Variants in SYTL1 observed in about 807,000 individuals in gnomAD.
SYTL1 encodes the protein synaptotagmin-like protein 1.
SYTL1 carries 53 observed loss-of-function variants against 74.6 expected under a neutral mutation model. The ratio of observed to expected loss-of-function variants is 0.71; its 90% CI spans 0.57 to 0.89. The LOEUF (loss-of-function observed/expected upper bound fraction) is 0.89. Among genes scored for constraint, SYTL1 ranks in the 40% least tolerant of loss-of-function variants. The pLI, the probability that SYTL1 is intolerant of heterozygous loss-of-function variation, is 0.00. For missense variants in SYTL1, 728 were observed against 768.7 expected, an observed-to-expected ratio of 0.95 and a Z score of 0.63; for synonymous variants, 329 against 324.9, an observed-to-expected ratio of 1.01 and a Z score of -0.14.
Position 27,351,190 on chromosome 1 carries a change from T to C in SYTL1, c.1165-68T>C, listed in dbSNP as rs990399017. The C allele has an allele frequency of 2.0e-6, 3 of 1,525,328 alleles. No individual in the cohort carries two copies. The highest frequency in any genetic ancestry group is 1.8e-6 in the Non-Finnish European group (2 of 1,128,894). The allele number at this position is 1,525,328 out of a possible 1,614,324, so 94.5% of individuals were successfully genotyped here. A position where few individuals can be genotyped will look rare whatever the true frequency, so the allele number is the denominator to read the frequency against. On this transcript the variant is annotated intron_variant, in intron 11 of 14. Coordinates refer to ENST00000616558, the MANE Select transcript of SYTL1 (RefSeq NM_001193308.2). This position sits in a 1 kb window ranked among gnomAD's most constrained non-coding sequence, Gnocchi z 5.0. ...CTTCTAGCCGCACCCCATCCGGGTC[T>C]GCAGACCCCACCCTCCTGAGGCCCC...
chr1:27,342,979 C>T lies in SYTL1; in HGVS notation c.-39+829C>T, dbSNP rs975297568. Among the ~76,000 whole-genome samples, 6 of 152,268 alleles carry T rather than the reference C, an allele frequency of 3.9e-5. No individual in the cohort carries two copies. Among genetic ancestry groups the T allele is most frequent in the Admixed American group, 3.3e-4 (5 of 15,288 alleles). On this transcript the variant is annotated intron_variant, in intron 1 of 14. Coordinates refer to ENST00000616558, the MANE Select transcript of SYTL1 (RefSeq NM_001193308.2). The surrounding 1 kb of genome is among the most constrained non-coding windows in gnomAD (Gnocchi z 4.7). ...ACAGAGTGAATGCACACCGTGCAGC[C>T]GTGCTGAGGCCTTCTGCTCCTGAGG...
Position 27,345,550 on chromosome 1 carries a change from G to A in SYTL1, c.191+25G>A, listed in dbSNP as rs1046737471. ...GGTAAGGCAGGGCAGACCCTGGCCGGGGAGCACCAAGAGGCTTGAGTGGCC... is the reference window on the plus strand; with the variant it reads ...GGTAAGGCAGGGCAGACCCTGGCCGAGGAGCACCAAGAGGCTTGAGTGGCC... On this transcript the variant is annotated intron_variant, in intron 2 of 14. Coordinates refer to ENST00000616558, the MANE Select transcript of SYTL1 (RefSeq NM_001193308.2). The surrounding 1 kb of genome is among the most constrained non-coding windows in gnomAD (Gnocchi z 6.0). The A allele has an allele frequency of 7.3e-6, 11 of 1,506,818 alleles. No homozygotes were observed. In the Admixed American group the frequency reaches 1.4e-4, roughly 20 times the overall value. The allele number at this position is 1,506,818 out of a possible 1,614,324, so 93.3% of individuals were successfully genotyped here.
At chr1:27,344,923 G>C (rs948893560) in intron 1 of SYTL1, 3 of 154,998 alleles carry the variant, frequency 1.9e-5, no homozygotes, top group African/African-American at 7.3e-5. Context: ...TCTGCAGAGG[G>C]CCCTTTCTGG....
chr1:27,353,743 T>C lies in SYTL1; in HGVS notation c.1580T>C (p.Met527Thr), dbSNP rs770392859. 1 of 1,613,846 alleles carries C rather than the reference T, an allele frequency of 6.2e-7. No homozygotes were observed. Among genetic ancestry groups the C allele is most frequent in the South Asian group, 1.1e-5 (1 of 91,078 alleles). The change falls in exon 15 of 15, where the codon ATG (methionine) becomes ACG (threonine). Residue 527 changes from methionine to threonine, a missense_variant. By Grantham distance (81) the Met-to-Thr change is moderately conservative (BLOSUM62 -1). Coordinates refer to ENST00000616558, the MANE Select transcript of SYTL1 (RefSeq NM_001193308.2). ...AGCTATGGGCTGCAGGTGCCCTGGA[T>C]GGATTCCACACCTGAGGAGAAGCAG... ...GSSYGLQVPW[M>T]DSTPEEKQLW...
At position 27,353,871 on chromosome 1, in the gene SYTL1, T is replaced by G. The variant is rs768951780; in HGVS notation, c.*19T>G. On this transcript the variant is annotated 3_prime_UTR_variant, in exon 15 of 15. Transcript: ENST00000616558. ...GACGTAGCCCCACCAAGCCTCTCTC[T>G]CTGGACCCCCATCTCAGGGCCTGCC... 2 of 1,607,256 alleles carry G rather than the reference T, an allele frequency of 1.2e-6. No individual in the cohort carries two copies. Among genetic ancestry groups the G allele is most frequent in the Admixed American group, 1.7e-5 (1 of 59,706 alleles).
Position 27,347,979 on chromosome 1 carries a change from TGAG to T in SYTL1, c.428_430del (p.Glu143del), listed in dbSNP as rs1364167992. On this transcript the variant is annotated inframe_deletion, in exon 5 of 15. Transcript: ENST00000616558. This position sits in a 1 kb window ranked among gnomAD's most constrained non-coding sequence, Gnocchi z 4.9. Reference sequence around the variant, plus strand: ...TCCCTACTCCTAGGCTCACCATTGATGAGGCCCCTCAGGAGAGGCTCAGGGAGA... The same window carrying T: ...TCCCTACTCCTAGGCTCACCATTGATGCCCCTCAGGAGAGGCTCAGGGAGA... 1 of 1,614,120 alleles carries T rather than the reference TGAG, an allele frequency of 6.2e-7. No individual in the cohort carries two copies. Among genetic ancestry groups the T allele is most frequent in the Non-Finnish European group, 8.5e-7 (1 of 1,180,016 alleles).
In SYTL1 at chr1:27,347,812, C is replaced by A. The variant is rs769967340; in HGVS notation, c.345C>A (p.Asp115Glu). 1.9e-6 allele frequency: 3 copies of A among 1,613,276 alleles called. No homozygotes were observed. Among genetic ancestry groups the A allele is most frequent in the Middle Eastern group, 3.4e-4 (2 of 5,968 alleles). The stretch of plus-strand genomic sequence containing the variant: ...GAACTTCTCACCTGCGCCCAGGAGA[C>A]CAGGCTCCAGGCCACGACAGGGAGG... The part of the protein sequence containing the change: ...SMRRKKSTRG[D>E]QAPGHDREAE... The change falls in exon 4 of 15, where the codon GAC (aspartate) becomes GAA (glutamate). Residue 115 changes from aspartate (D) to glutamate (E), a missense_variant. Asp to Glu is a conservative substitution (Grantham distance 45). Coordinates refer to ENST00000616558, the MANE Select transcript of SYTL1 (RefSeq NM_001193308.2). The surrounding 1 kb of genome is among the most constrained non-coding windows in gnomAD (Gnocchi z 4.9).
chr1:27,342,325 C>T lies in SYTL1; in HGVS notation c.-39+175C>T, dbSNP rs991880235. On this transcript the variant is annotated intron_variant, in intron 1 of 14. Transcript: ENST00000616558. The surrounding 1 kb of genome is among the most constrained non-coding windows in gnomAD (Gnocchi z 4.7). ...CTCTTGACCAATGGGTCTGTCCCAC[C>T]GTGTCAAAACAGCAGAGAAGACCAA... 8 of 985,028 alleles carry T rather than the reference C, an allele frequency of 8.1e-6. No individual in the cohort carries two copies. The highest frequency in any genetic ancestry group is 3.5e-5 in the African/African-American group (2 of 57,188). 61.0% of individuals were successfully genotyped at this position (985,028 alleles called of 1,614,324 possible).
rs898799473 is a variant in SYTL1 at position 27,343,427 on chromosome 1, C to T, written c.-39+1277C>T. ...GGGGCATCCCTGGGTTGGAGGCCTC[C>T]GTGGGAGTGGGTGCGGCAGTTACCT... On this transcript the variant is annotated intron_variant, in intron 1 of 14. Transcript: ENST00000616558. The surrounding 1 kb of genome is among the most constrained non-coding windows in gnomAD (Gnocchi z 5.2). Among the ~76,000 whole-genome samples the T allele has an allele frequency of 2.0e-5, 3 of 152,074 alleles. No individual in the cohort carries two copies. Among genetic ancestry groups the T allele is most frequent in the Non-Finnish European group, 2.9e-5 (2 of 68,004 alleles).
In SYTL1 at chr1:27,345,156, C is replaced by G; in HGVS notation, c.-38-141C>G. ...TGTATGCATGTGTGCATGAGTGTCT[C>G]TCACCCCACCTTGAGCTCAGCCATC... On this transcript the variant is annotated intron_variant, in intron 1 of 14. Transcript: ENST00000616558. The surrounding 1 kb of genome is among the most constrained non-coding windows in gnomAD (Gnocchi z 6.0). 1.9e-6 allele frequency: 1 copy of G among 526,636 alleles called. No individual in the cohort carries two copies. Among genetic ancestry groups the G allele is most frequent in the Non-Finnish European group, 3.3e-6 (1 of 298,924 alleles). The allele number at this position is 526,636 out of a possible 1,614,324, so 32.6% of individuals were successfully genotyped here. A position where few individuals can be genotyped will look rare whatever the true frequency, so the allele number is the denominator to read the frequency against.
chr1:27,350,586 G>T lies in SYTL1; in HGVS notation c.1005+101G>T. The T allele has an allele frequency of 8.7e-7, 1 of 1,150,212 alleles. No individual in the cohort carries two copies. Among genetic ancestry groups the T allele is most frequent in the South Asian group, 1.4e-5 (1 of 71,972 alleles). The allele number at this position is 1,150,212 out of a possible 1,614,324, so 71.3% of individuals were successfully genotyped here. On this transcript the variant is annotated intron_variant, in intron 10 of 14. Transcript: ENST00000616558. This position sits in a 1 kb window ranked among gnomAD's most constrained non-coding sequence, Gnocchi z 6.3. ...CAGCCAGTAACGTCATTGCCCGGAG[G>T]ATCGGCGGAGGGGGCCCATTAACTC... is the stretch of plus-strand genomic sequence containing the variant.
chr1:27,345,324 A>AGCCCCAGCTGAT lies in SYTL1; in HGVS notation c.-3_9dup. The AGCCCCAGCTGAT allele has an allele frequency of 6.8e-7, 1 of 1,473,960 alleles. No homozygotes were observed. The highest frequency in any genetic ancestry group is 1.3e-5 in the South Asian group (1 of 74,338). The allele number at this position is 1,473,960 out of a possible 1,614,324, so 91.3% of individuals were successfully genotyped here. ...AGCTCCGTGTGCCCAGCTGGGGCACAGCCCCAGCTGATGCCCCAGAGGGGC... is the reference window on the plus strand; with the variant it reads ...AGCTCCGTGTGCCCAGCTGGGGCACAGCCCCAGCTGATGCCCCAGCTGATGCCCCAGAGGGGC... On this transcript the variant is annotated 5_prime_UTR_variant, in exon 2 of 15. The change creates a new upstream start codon in the 5' untranslated region. Coordinates refer to ENST00000616558, the MANE Select transcript of SYTL1 (RefSeq NM_001193308.2). This position sits in a 1 kb window ranked among gnomAD's most constrained non-coding sequence, Gnocchi z 6.0.
Position 27,347,703 on chromosome 1 carries a change from CCCCT to C in SYTL1, c.341-102_341-99del. 1 of 1,492,042 alleles carries C rather than the reference CCCCT, an allele frequency of 6.7e-7. No individual in the cohort carries two copies. Among genetic ancestry groups the C allele is most frequent in the Non-Finnish European group, 9.1e-7 (1 of 1,098,698 alleles). 92.4% of individuals were successfully genotyped at this position (1,492,042 alleles called of 1,614,324 possible). A position where few individuals can be genotyped will look rare whatever the true frequency, so the allele number is the denominator to read the frequency against. On this transcript the variant is annotated intron_variant, in intron 3 of 14. Coordinates refer to ENST00000616558, the MANE Select transcript of SYTL1 (RefSeq NM_001193308.2). This position sits in a 1 kb window ranked among gnomAD's most constrained non-coding sequence, Gnocchi z 4.9. ...ACTGTGTGTCTTTCAGTGGGCAATG[CCCCT>C]CCGTGGGCATGGGGTGGGTGGGTAT... is the stretch of plus-strand genomic sequence containing the variant.
In SYTL1 at chr1:27,351,283, C is replaced by T; in HGVS notation, c.1190C>T (p.Pro397Leu). 1 of 1,561,086 alleles carries T rather than the reference C, an allele frequency of 6.4e-7. No homozygotes were observed. Among genetic ancestry groups the T allele is most frequent in the East Asian group, 2.4e-5 (1 of 41,974 alleles). ...GTCCCACCCTCTCCCGACGACCTTCCGAGCCGCGGGTTACTCGCCCTGTCC... is the reference window on the plus strand; with the variant it reads ...GTCCCACCCTCTCCCGACGACCTTCTGAGCCGCGGGTTACTCGCCCTGTCC... ...PRVPPSPDDL[P>L]SRGLLALSLK... is the part of the protein sequence containing the mutation. Residue 397 changes from proline to leucine, a missense_variant, in exon 12 of 15, where the codon CCG becomes CTG. Physicochemically the swap from Pro to Leu is moderately conservative, Grantham distance 98 (BLOSUM62 -3). Transcript: ENST00000616558. This position sits in a 1 kb window ranked among gnomAD's most constrained non-coding sequence, Gnocchi z 5.0.
chr1:27,349,992 C>A lies in SYTL1; in HGVS notation c.768C>A (p.Ser256Arg), dbSNP rs748183402. The A allele has an allele frequency of 6.4e-7, 1 of 1,570,886 alleles. No individual in the cohort carries two copies. The highest frequency in any genetic ancestry group is 2.3e-5 in the East Asian group (1 of 42,572). ...CGCAGCTGAGCGGCAGCCAGATGAGCCTGTCAGGCGACGCGGAGGCGGTGC... is the reference window on the plus strand; with the variant it reads ...CGCAGCTGAGCGGCAGCCAGATGAGACTGTCAGGCGACGCGGAGGCGGTGC... ...NSSTLSGSQM[S>R]LSGDAEAVQV... Residue 256 changes from serine to arginine, a missense_variant, in exon 9 of 15, where the codon AGC becomes AGA. Transcript: ENST00000616558.
Position 27,351,534 on chromosome 1 carries a change from C to A in SYTL1, c.1322C>A (p.Ser441Tyr), listed in dbSNP as rs141264332. The change falls in exon 13 of 15, where the codon TCC (serine) becomes TAC (tyrosine). Residue 441 changes from serine to tyrosine, a missense_variant. Transcript: ENST00000616558. The surrounding 1 kb of genome is among the most constrained non-coding windows in gnomAD (Gnocchi z 5.0). ...ARDLLPLRAGSLDTYVQCFVL... is the reference protein window; with the variant it reads ...ARDLLPLRAGYLDTYVQCFVL... ...GACCTCCTGCCGCTGCGGGCAGGAT[C>A]CCTGGACACTTACGTACAATGGTGA... is the stretch of plus-strand genomic sequence containing the variant. The A allele has an allele frequency of 2.9e-5, 45 of 1,547,694 alleles. No individual in the cohort carries two copies. In the African/African-American group the frequency reaches 5.9e-4, roughly 20 times the overall value.
chr1:27,353,538 T>C (rs1201871364), intron 14 of SYTL1, 50 bp downstream of exon 14: 1 of 1,561,658 alleles, frequency 6.4e-7, no homozygotes, highest in South Asian at 1.2e-5. Flanking sequence ...CCCTGGGAGA[T>C]GGGGGCTCAG....
chr1:27,350,389 C>G lies in SYTL1; in HGVS notation c.909C>G (p.Pro303=), dbSNP rs760151560. ...LAAARRRRSD[P]YVKSYLLPDK... The stretch of plus-strand genomic sequence containing the variant: ...TCACCTCGGGTTCTCACCTCCCCAG[C>G]TACGTCAAAAGCTACCTCCTCCCGG... The change falls in exon 10 of 15, where the codon CCC becomes CCG. Residue 303 remains proline (P), a splice_region_variant and synonymous_variant. Transcript: ENST00000616558. This position sits in a 1 kb window ranked among gnomAD's most constrained non-coding sequence, Gnocchi z 6.3. 16 of 1,613,900 alleles carry G rather than the reference C, an allele frequency of 9.9e-6. No homozygotes were observed. Among genetic ancestry groups the G allele is most frequent in the Non-Finnish European group, 1.2e-5 (14 of 1,179,786 alleles).
At position 27,345,011 on chromosome 1, in the gene SYTL1, C is replaced by T. The variant is rs187182818; in HGVS notation, c.-38-286C>T. The T allele has an allele frequency of 4.8e-5, 10 of 209,276 alleles. No individual in the cohort carries two copies. The highest frequency in any genetic ancestry group is 3.6e-4 in the Admixed American group (6 of 16,880). The allele number at this position is 209,276 out of a possible 1,614,324, so 13.0% of individuals were successfully genotyped here. ...GACCATATCTATGCCTACATGGACC[C>T]GCGTGTGCACATGTGTCTGTGTGTT... On this transcript the variant is annotated intron_variant, in intron 1 of 14. Transcript: ENST00000616558. The surrounding 1 kb of genome is among the most constrained non-coding windows in gnomAD (Gnocchi z 6.0).
Sources: allele counts gnomAD v4.1 joint callset (sites outside exome capture counted in the v4.1 genomes callset), GRCh38; gene constraint gnomAD v4.1.1; non-coding constraint Gnocchi (gnomAD v3.1); transcripts MANE v1.5; gene names NCBI Gene and HGNC (gene_info 2026-07-23, HGNC 2026-07-21).